The following ZNF333 variants were observed in gnomAD, a reference collection of about 807,000 sequenced individuals.
ZNF333 encodes zinc finger protein 333.
Under a neutral mutation model 76.1 loss-of-function variants are expected in ZNF333, and 61 were observed. The ratio of observed to expected loss-of-function variants is 0.80; its 90% CI spans 0.65 to 0.99. The LOEUF (loss-of-function observed/expected upper bound fraction) is 0.99. ZNF333 is among the 50% of genes least tolerant of loss of function. The pLI is 0.00. For missense variants in ZNF333, 717 were observed against 822.4 expected (o/e 0.87, Z 1.57); for synonymous variants, 284 against 305.0 (o/e 0.93, Z 0.72).
intron 4 of ZNF333, among the ~76,000 whole-genome samples, chr19:14,696,981 C>T (rs1008582093): frequency 6.6e-6 from 1 of 152,116 alleles, no homozygotes; most frequent in African/African-American, 2.4e-5. Flanking sequence ...TCGTGGTCCA[C>T]CCACCTCAGC....
At position 14,695,632 on chromosome 19, in the gene ZNF333, A is replaced by C. The variant is rs1973124362; in HGVS notation, c.194A>C (p.Glu65Ala). The part of the protein sequence containing the change: ...LGQRAEPKAT[E>A]RGILRATGVA... ...CAAAGAGCAGAGCCAAAGGCAACAG[A>C]ACGAGGGATTCTCCGTGCCACAGGT... The change falls in exon 4 of 12, where the codon GAA (glutamate) becomes GCA (alanine). Residue 65 changes from glutamate (E) to alanine (A), a missense_variant. By Grantham distance (107) the Glu-to-Ala change is moderately radical. Coordinates refer to ENST00000292530, the MANE Select transcript of ZNF333 (RefSeq NM_032433.4). 7 of 1,614,172 alleles carry C rather than the reference A, an allele frequency of 4.3e-6. No individual in the cohort carries two copies. The highest frequency in any genetic ancestry group is 5.9e-6 in the Non-Finnish European group (7 of 1,180,032).
At chr19:14,708,383 A>G (rs558625818) in intron 7 of ZNF333, 14 of 401,292 alleles carry the variant, frequency 3.5e-5, no homozygotes, top group African/African-American at 2.3e-4. Context: ...AAACAGTCAC[A>G]AAGAAAACAC....
Position 14,719,782 on chromosome 19 carries a change from A to G in ZNF333, c.*457A>G, listed in dbSNP as rs1391111376. On this transcript the variant is annotated 3_prime_UTR_variant, in exon 12 of 12. Transcript: ENST00000292530. ...TCATAGGTATTTGCTGAGATTTGCT[A>G]TTAGGTCTGGTGTGGCTTATTCTTC... 1.0e-6 allele frequency: 1 copy of G among 989,162 alleles called. No homozygotes were observed. The highest frequency in any genetic ancestry group is 1.7e-5 in the African/African-American group (1 of 57,360). 61.3% of individuals were successfully genotyped at this position (989,162 alleles called of 1,614,324 possible).
At chr19:14,722,048 C>G (rs1160326866), downstream of ZNF333, 1 of 152,184 alleles carries the variant, frequency 6.6e-6, no homozygotes, top group Non-Finnish European at 1.5e-5. Context: ...ATTTGTACAT[C>G]AATGAATGAA....
downstream of ZNF333, among the ~76,000 whole-genome samples, chr19:14,726,514 T>C (rs763793319): frequency 6.6e-5 from 10 of 152,198 alleles, no homozygotes; most frequent in Non-Finnish European, 1.3e-4. Context: ...TTTTATGCTC[T>C]GCTTCCCTTT....
intron 6 of ZNF333, chr19:14,706,083 A>C (rs2146981781): frequency 4.4e-6 from 2 of 456,894 alleles, no homozygotes; most frequent in East Asian, 7.0e-5. Flanking sequence ...AATGTAACCC[A>C]CCTCCAGCTG....
At position 14,719,851 on chromosome 19, in the gene ZNF333, T is replaced by C; in HGVS notation, c.*526T>C. The C allele has an allele frequency of 2.0e-6, 2 of 986,702 alleles. No homozygotes were observed. The highest frequency in any genetic ancestry group is 2.4e-6 in the Non-Finnish European group (2 of 830,960). The allele number at this position is 986,702 out of a possible 1,614,324, so 61.1% of individuals were successfully genotyped here. A position where few individuals can be genotyped will look rare whatever the true frequency, so the allele number is the denominator to read the frequency against. ...ACCCCTTCCTCCTTAGAAAAGAACC[T>C]GGGTTTTCTGTTCAGATTGGCAGTG... is the stretch of plus-strand genomic sequence containing the variant. On this transcript the variant is annotated 3_prime_UTR_variant, in exon 12 of 12. Coordinates refer to ENST00000292530, the MANE Select transcript of ZNF333 (RefSeq NM_032433.4).
At chr19:14,703,328 G>A (rs1461406025) in intron 5 of ZNF333, among the ~76,000 whole-genome samples, 2 of 152,002 alleles carry the variant, frequency 1.3e-5, no homozygotes, top group Non-Finnish European at 2.9e-5. Context: ...CATGACATAC[G>A]GGGATTATGG....
intron 4 of ZNF333, among the ~76,000 whole-genome samples, chr19:14,697,796 C>A (rs1291562286): frequency 6.6e-6 from 1 of 152,184 alleles, no homozygotes; most frequent in Non-Finnish European, 1.5e-5. Context: ...ACAGGTACAC[C>A]ATTTTACATT....
At position 14,705,062 on chromosome 19, in the gene ZNF333, G is replaced by T; in HGVS notation, c.315G>T (p.Gly105=). Reference sequence around the variant, plus strand: ...CTCTTGTCTTTTGCCAGGGGCCGGGGCTGTTCCTGAGGATGCAGCTGGTGC... The same window carrying T: ...CTCTTGTCTTTTGCCAGGGGCCGGGTCTGTTCCTGAGGATGCAGCTGGTGC... ...ASSRDMQMGP[G]LFLRMQLVPS... is the part of the protein sequence containing the mutation. The change falls in exon 6 of 12, where the codon GGG becomes GGT. Residue 105 remains glycine (G), a synonymous_variant. Transcript: ENST00000292530. 1.2e-6 allele frequency: 2 copies of T among 1,613,874 alleles called. No homozygotes were observed. Among genetic ancestry groups the T allele is most frequent in the Non-Finnish European group, 1.7e-6 (2 of 1,179,874 alleles).
intron 7 of ZNF333, chr19:14,707,262 A>AG (rs149935126): frequency 6.6e-6 from 1 of 151,058 alleles, no homozygotes; most frequent in Non-Finnish European, 1.5e-5. Flanking sequence ...AAAAAAAAAA[A>AG]TTAGCTGTGC....
intron 1 of ZNF333, among the ~76,000 whole-genome samples, chr19:14,692,803 G>A (rs1255338035): frequency 2.0e-5 from 3 of 149,578 alleles, no homozygotes; most frequent in African/African-American, 7.4e-5. Context: ...ATGAGCCACC[G>A]TGCTTGACCT....
At chr19:14,709,300 G>A (rs9305047) in intron 7 of ZNF333, 109,533 of 152,240 alleles carry the variant, frequency 0.72, 40,974 homozygotes, top group African/African-American at 0.92. Flanking sequence ...AGACTAATAC[G>A]TCTTGTGAGT....
At chr19:14,715,123 C>A in intron 7 of ZNF333, 1 of 414,140 alleles carries the variant, frequency 2.4e-6, no homozygotes, top group Non-Finnish European at 4.6e-6. Flanking sequence ...TGAACAGGTG[C>A]ATGTGGTATG....
At chr19:14,715,283 AC>A in intron 7 of ZNF333, 98 bp from the exon 8 acceptor site, 12 of 941,228 alleles carry the variant, frequency 1.3e-5, no homozygotes, top group Non-Finnish European at 2.0e-5. Flanking sequence ...GTGTGTGTAC[AC>A]ATGTGATCAC....
At position 14,720,233 on chromosome 19, in the gene ZNF333, C is replaced by G; in HGVS notation, c.*908C>G. ...AGCTTCCATCTCCCAGCCCTTCTTG[C>G]AAGCAAGGGCAGGCCATTTCCTCCG... On this transcript the variant is annotated 3_prime_UTR_variant, in exon 12 of 12. Coordinates refer to ENST00000292530, the MANE Select transcript of ZNF333 (RefSeq NM_032433.4). The G allele has an allele frequency of 1.0e-6, 1 of 985,332 alleles. No homozygotes were observed. The highest frequency in any genetic ancestry group is 1.2e-6 in the Non-Finnish European group (1 of 829,904). The allele number at this position is 985,332 out of a possible 1,614,324, so 61.0% of individuals were successfully genotyped here.
chr19:14,699,369 A>G lies in ZNF333; in HGVS notation c.306+88A>G, dbSNP rs923702199. 3.4e-6 allele frequency: 4 copies of G among 1,160,200 alleles called. No homozygotes were observed. In the African/African-American group the frequency reaches 6.1e-5, roughly 18 times the overall value. The allele number at this position is 1,160,200 out of a possible 1,614,324, so 71.9% of individuals were successfully genotyped here. A position where few individuals can be genotyped will look rare whatever the true frequency, so the allele number is the denominator to read the frequency against. On this transcript the variant is annotated intron_variant, in intron 5 of 11. Coordinates refer to ENST00000292530, the MANE Select transcript of ZNF333 (RefSeq NM_032433.4). ...GAAATACAGGACCAGAGCCAGGGAG[A>G]TGTTAGCAGCATGGGTGTCTCTTGG...
At chr19:14,701,825 T>C in intron 5 of ZNF333, 1 of 985,224 alleles carries the variant, frequency 1.0e-6, no homozygotes, top group Non-Finnish European at 1.2e-6. Context: ...GCAGAGGAGG[T>C]CCACCTATGG....
chr19:14,699,688 C>G (rs1419734463), intron 5 of ZNF333, among the ~76,000 whole-genome samples: 1 of 152,126 alleles, frequency 6.6e-6, no homozygotes, highest in Non-Finnish European at 1.5e-5. Flanking sequence ...TCTCGAACTC[C>G]TGGCCTCAAG....
Sources: gnomAD v4.1 joint callset for allele counts (sites outside exome capture counted in the v4.1 genomes callset) on GRCh38, gnomAD v4.1.1 for gene constraint, MANE v1.5 for transcripts, NCBI Gene and HGNC (gene_info 2026-07-23, HGNC 2026-07-21) for gene names.